Variants in ADAMTSL1 observed in about 807,000 individuals in gnomAD.
ADAMTSL1 encodes the protein ADAMTS-like protein 1.
A neutral mutation model predicts 201.8 loss-of-function variants in ADAMTSL1; 126 were observed. The observed-to-expected ratio is 0.62, with a 90% confidence interval of 0.54 to 0.72. The LOEUF (loss-of-function observed/expected upper bound fraction) is 0.72, where lower values mean the gene tolerates loss of function less well. Ranked by LOEUF, ADAMTSL1 falls within the 30% of genes least tolerant of loss-of-function variation. The probability of loss-of-function intolerance (pLI) is 0.00; values close to 1 mark genes in which losing one functional copy is unlikely to be tolerated. For synonymous variants in ADAMTSL1, 1,121 were observed against 903.4 expected (o/e 1.24, Z -4.32); for missense variants, 2,679 against 2,277.8 (o/e 1.18, Z -3.59).
intron 1 of ADAMTSL1, among the ~76,000 whole-genome samples, chr9:18,483,651 C>T (rs1456675976): frequency 2.0e-5 from 3 of 152,184 alleles, no homozygotes; most frequent in Non-Finnish European, 4.4e-5. Flanking sequence ...CACGGTGAAA[C>T]CCTATCTCTA....
At chr9:18,792,462 C>T (rs953295991) in intron 19 of ADAMTSL1, among the ~76,000 whole-genome samples, 2 of 152,138 alleles carry the variant, frequency 1.3e-5, no homozygotes, top group African/African-American at 4.8e-5. Context: ...GTCCAAGAAC[C>T]GTTTTCTGTA....
At chr9:18,194,665 G>A (rs555474554) in intron 2 of ADAMTSL1, among the ~76,000 whole-genome samples, 6 of 152,160 alleles carry the variant, frequency 3.9e-5, no homozygotes, top group South Asian at 2.1e-4. Context: ...TATATGCCTC[G>A]TGGCCCAGGG....
intron 1 of ADAMTSL1, among the ~76,000 whole-genome samples, chr9:18,144,398 G>A (rs1411326926): frequency 1.3e-5 from 2 of 151,868 alleles, no homozygotes; most frequent in African/African-American, 2.4e-5. Context: ...TAGAGACAGG[G>A]TTTCACCTTG....
At chr9:18,116,022 T>C (rs1449188053) in intron 1 of ADAMTSL1, among the ~76,000 whole-genome samples, 1 of 152,178 alleles carries the variant, frequency 6.6e-6, no homozygotes, top group African/African-American at 2.4e-5. Flanking sequence ...ATTGTGGAGA[T>C]AGCCATGTAC....
At chr9:18,776,512 A>G (rs1177308620) in intron 18 of ADAMTSL1, among the ~76,000 whole-genome samples, 2 of 152,180 alleles carry the variant, frequency 1.3e-5, no homozygotes, top group Non-Finnish European at 2.9e-5. Context: ...TGGGTTGCCC[A>G]CTGCATCTCA....
At chr9:18,229,003 C>A (rs1033647500) in intron 2 of ADAMTSL1, among the ~76,000 whole-genome samples, 1 of 152,006 alleles carries the variant, frequency 6.6e-6, no homozygotes, top group Non-Finnish European at 1.5e-5. Flanking sequence ...ATATAGCTTT[C>A]ATTTTATAGA....
chr9:18,785,175 A>C (rs551853307), intron 19 of ADAMTSL1, among the ~76,000 whole-genome samples: 2 of 151,594 alleles, frequency 1.3e-5, no homozygotes, highest in Non-Finnish European at 2.9e-5. Context: ...AAAAAAAAAA[A>C]CTTAATGGAG....
chr9:18,261,956 AT>A (rs763610183), intron 2 of ADAMTSL1, among the ~76,000 whole-genome samples: 1 of 152,220 alleles, frequency 6.6e-6, no homozygotes, highest in Non-Finnish European at 1.5e-5. Flanking sequence ...AACCTATGTA[AT>A]TCATCCTCTG....
intron 19 of ADAMTSL1, among the ~76,000 whole-genome samples, chr9:18,781,463 C>T (rs373337837): frequency 3.3e-5 from 5 of 152,250 alleles, no homozygotes; most frequent in East Asian, 1.9e-4. Flanking sequence ...ATAAGAAATA[C>T]GGCTGGAGCT....
chr9:18,403,242 A>G (rs2791449), intron 2 of ADAMTSL1, among the ~76,000 whole-genome samples: 82,658 of 151,552 alleles, frequency 0.55, 22,969 homozygotes, highest in African/African-American at 0.64. Context: ...GGAGTGCAGT[A>G]GCATGATCTT....
intron 1 of ADAMTSL1, among the ~76,000 whole-genome samples, chr9:18,018,630 C>T (rs1243131121): frequency 6.6e-6 from 1 of 152,032 alleles, no homozygotes; most frequent in South Asian, 2.1e-4. Context: ...TACTGATAAA[C>T]CCCATATGCA....
chr9:18,559,319 A>G (rs1234294682), intron 3 of ADAMTSL1, among the ~76,000 whole-genome samples: 1 of 152,018 alleles, frequency 6.6e-6, no homozygotes, highest in African/African-American at 2.4e-5. Context: ...GTGGTTGTAG[A>G]TTTGTGGTGG....
intron 1 of ADAMTSL1, among the ~76,000 whole-genome samples, chr9:18,014,775 G>C (rs560197328): frequency 1.3e-5 from 2 of 152,066 alleles, no homozygotes; most frequent in Non-Finnish European, 2.9e-5. Flanking sequence ...GAATCATCCA[G>C]AGTGGTGTCA....
chr9:18,818,776 C>T (rs1055430917), intron 21 of ADAMTSL1, among the ~76,000 whole-genome samples: 3 of 151,854 alleles, frequency 2.0e-5, no homozygotes, highest in African/African-American at 7.3e-5. Context: ...GGTGACAGAG[C>T]GAGACCCTAT....
chr9:18,566,528 G>A (rs1821904085), intron 3 of ADAMTSL1, among the ~76,000 whole-genome samples: 1 of 152,180 alleles, frequency 6.6e-6, no homozygotes, highest in South Asian at 2.1e-4. Context: ...CACAGAGTAG[G>A]CAGCCTAAGC....
rs541147223 is a variant in ADAMTSL1 at position 18,611,313 on chromosome 9, C to T, written c.475-10930C>T. On this transcript the variant is annotated intron_variant, in intron 4 of 28. Coordinates refer to ENST00000380548, the MANE Select transcript of ADAMTSL1 (RefSeq NM_001040272.6). ...GTCAGGCCTTTGTATAATTTTGTTTCGCATTCTCCAGACACCCTAATTTTG... is the reference window on the plus strand; with the variant it reads ...GTCAGGCCTTTGTATAATTTTGTTTTGCATTCTCCAGACACCCTAATTTTG... Among the ~76,000 whole-genome samples, 35 of 152,218 alleles carry T rather than the reference C, an allele frequency of 2.3e-4. 1 individual carries two copies. The highest frequency in any genetic ancestry group is 8.3e-4 in the South Asian group (4 of 4,818).
At chr9:17,960,892 G>C (rs1375635250) in intron 1 of ADAMTSL1, among the ~76,000 whole-genome samples, 1 of 152,150 alleles carries the variant, frequency 6.6e-6, no homozygotes, top group Non-Finnish European at 1.5e-5. Flanking sequence ...TCTCTGGACT[G>C]TTCACCCATT....
chr9:18,204,428 C>G (rs55742842), intron 2 of ADAMTSL1, among the ~76,000 whole-genome samples: 4,998 of 152,128 alleles, frequency 0.033, 124 homozygotes, highest in Non-Finnish European at 0.054. Flanking sequence ...TGAGGCCTCT[C>G]CAGCCATGCT....
intron 2 of ADAMTSL1, among the ~76,000 whole-genome samples, chr9:18,207,913 G>A (rs898437679): frequency 6.6e-6 from 1 of 152,132 alleles, no homozygotes; most frequent in Non-Finnish European, 1.5e-5. Context: ...AATATTGCAT[G>A]ATTTGGCTCT....
Sources: allele counts gnomAD v4.1 joint callset (sites outside exome capture counted in the v4.1 genomes callset), GRCh38; gene constraint gnomAD v4.1.1; transcripts MANE v1.5; gene names NCBI Gene and HGNC (gene_info 2026-07-23, HGNC 2026-07-21).